The following BICD1 variants were observed in gnomAD, a reference collection of about 807,000 sequenced individuals.
BICD1 encodes BICD cargo adaptor 1, also known as protein bicaudal D homolog 1.
In BICD1, 35 loss-of-function variants were observed where a neutral mutation model predicts 92.5. The ratio of observed to expected loss-of-function variants is 0.38; its 90% CI spans 0.29 to 0.50. BICD1 has a LOEUF of 0.50. BICD1 is among the 20% of genes least tolerant of loss of function. The pLI is 0.93. For synonymous variants in BICD1, 429 were observed against 465.1 expected (o/e 0.92, Z 1.00); for missense variants, 950 against 1,189.8 (o/e 0.80, Z 2.97).
chr12:32,300,933 G>T (rs920851137), intron 3 of BICD1, among the ~76,000 whole-genome samples: 2 of 152,026 alleles, frequency 1.3e-5, no homozygotes, highest in African/African-American at 4.8e-5. Context: ...TTACAGGCGC[G>T]AGTCACTGCG....
chr12:32,170,209 C>T (rs548428125), intron 1 of BICD1, among the ~76,000 whole-genome samples: 15 of 152,280 alleles, frequency 9.9e-5, no homozygotes, highest in African/African-American at 3.6e-4. Flanking sequence ...GAAAAAATAA[C>T]TGCTAGAGTC....
intron 8 of BICD1, among the ~76,000 whole-genome samples, chr12:32,364,787 CA>C (rs978286739): frequency 8.3e-6 from 1 of 121,028 alleles, no homozygotes. Flanking sequence ...CCTGTCTCTA[CA>C]AAAATTTAAA....
At chr12:32,238,944 CAAAA>C (rs111403291) in intron 2 of BICD1, among the ~76,000 whole-genome samples, 50 of 70,570 alleles carry the variant, frequency 7.1e-4, no homozygotes, top group South Asian at 2.4e-3. Flanking sequence ...AACTCTGTCT[CAAAA>C]AAAAAAAAAA....
In BICD1 at chr12:32,295,656, C is replaced by CTTTT. The variant is rs142531197; in HGVS notation, c.579+1522_579+1525dup. 6.8e-3 allele frequency among the ~76,000 whole-genome samples: 958 copies of CTTTT among 140,662 alleles called. 8 individuals carry two copies. The highest frequency in any genetic ancestry group is 0.01 in the Non-Finnish European group (678 of 64,864). 92.3% of individuals were successfully genotyped at this position (140,662 alleles called of 152,430 possible). On this transcript the variant is annotated intron_variant, in intron 3 of 9. Transcript: ENST00000652176. Reference sequence around the variant, plus strand: ...TAGTGGCACAATTAAAATTTGATTTCTTTTTTTTTTTTTTTGCGACAGAGT... The same window carrying CTTTT: ...TAGTGGCACAATTAAAATTTGATTTCTTTTTTTTTTTTTTTTTTTGCGACAGAGT...
At chr12:32,203,893 A>T (rs990422778) in intron 1 of BICD1, among the ~76,000 whole-genome samples, 2 of 152,214 alleles carry the variant, frequency 1.3e-5, no homozygotes, top group Admixed American at 6.5e-5. Flanking sequence ...GTCTTTTAGA[A>T]TGTGGGACTT....
At chr12:32,144,705 A>G (rs1943050923) in intron 1 of BICD1, among the ~76,000 whole-genome samples, 2 of 152,212 alleles carry the variant, frequency 1.3e-5, no homozygotes, top group South Asian at 2.1e-4. Flanking sequence ...AAAATCTATT[A>G]TCTACTGAAA....
chr12:32,184,484 A>G (rs1231928149), intron 1 of BICD1, among the ~76,000 whole-genome samples: 1 of 152,050 alleles, frequency 6.6e-6, no homozygotes, highest in Non-Finnish European at 1.5e-5. Context: ...ATGGAGTTTC[A>G]CCATGTTGGC....
In BICD1 at chr12:32,237,702, A is replaced by G. The variant is rs1304283553; in HGVS notation, c.426+21243A>G. ...TCTGAATGACAGCACGTCTGTTTAT[A>G]GAGTGGTTTATCAAACGTTTAAAGC... is the stretch of plus-strand genomic sequence containing the variant. On this transcript the variant is annotated intron_variant, in intron 2 of 9. Transcript: ENST00000652176. 3.3e-5 allele frequency among the ~76,000 whole-genome samples: 5 copies of G among 152,218 alleles called. No individual in the cohort carries two copies. The East Asian group carries it at 9.6e-4, about 29-fold the overall frequency.
intron 5 of BICD1, among the ~76,000 whole-genome samples, chr12:32,330,416 G>T (rs1937797000): frequency 1.4e-5 from 2 of 138,454 alleles, no homozygotes; most frequent in East Asian, 4.8e-4. Context: ...ACACACCGGG[G>T]CCTGTTGTGG....
At chr12:32,237,860 A>G (rs534360595) in intron 2 of BICD1, among the ~76,000 whole-genome samples, 1 of 152,328 alleles carries the variant, frequency 6.6e-6, no homozygotes, top group South Asian at 2.1e-4. Flanking sequence ...TGCTAACACA[A>G]CATCCACTGG....
intron 2 of BICD1, among the ~76,000 whole-genome samples, chr12:32,286,331 G>C (rs1947565191): frequency 6.6e-6 from 1 of 151,846 alleles, no homozygotes; most frequent in Non-Finnish European, 1.5e-5. Flanking sequence ...CATCCAGTTC[G>C]TTGGGCTTCC....
intron 8 of BICD1, among the ~76,000 whole-genome samples, chr12:32,354,363 G>A (rs16919788): frequency 0.035 from 5,383 of 152,208 alleles, 294 homozygotes; most frequent in East Asian, 0.16. Context: ...ATGTGAAGGA[G>A]GAACCAGATG....
intron 1 of BICD1, among the ~76,000 whole-genome samples, chr12:32,129,245 C>T (rs948910220): frequency 1.0e-4 from 15 of 150,722 alleles, no homozygotes; most frequent in African/African-American, 1.7e-4. Flanking sequence ...TTTTTGTAGG[C>T]CGGGCATGGT....
Position 32,126,761 on chromosome 12 carries a change from A to T in BICD1, c.213+19217A>T, listed in dbSNP as rs1486005564. On this transcript the variant is annotated intron_variant, in intron 1 of 9. Coordinates refer to ENST00000652176, the MANE Select transcript of BICD1 (RefSeq NM_001714.4). Reference sequence around the variant, plus strand: ...TGGGCGACAGAGTGAGACTCTGTTTAAAAAAAAAGAAAAAGACCCTGCAGA... The same window carrying T: ...TGGGCGACAGAGTGAGACTCTGTTTTAAAAAAAAGAAAAAGACCCTGCAGA... 5.3e-5 allele frequency among the ~76,000 whole-genome samples: 8 copies of T among 151,262 alleles called. No homozygotes were observed. The East Asian group carries it at 1.4e-3, about 26-fold the overall frequency.
At position 32,380,590 on chromosome 12, in the gene BICD1, G is replaced by C. The variant is rs1392707677; in HGVS notation, c.*2963G>C. The C allele has an allele frequency of 6.6e-6, 1 of 152,064 alleles. No individual in the cohort carries two copies. Among genetic ancestry groups the C allele is most frequent in the Non-Finnish European group, 1.5e-5 (1 of 67,956 alleles). The allele number at this position is 152,064 out of a possible 1,614,324, so 9.4% of individuals were successfully genotyped here. A position where few individuals can be genotyped will look rare whatever the true frequency, so the allele number is the denominator to read the frequency against. On this transcript the variant is annotated 3_prime_UTR_variant, in exon 10 of 10. Transcript: ENST00000652176. Reference sequence around the variant, plus strand: ...AGGATTTTCCTTAATCAAAAAATAAGAAGAAGCAATAAATTGTCTTTGGCC... The same window carrying C: ...AGGATTTTCCTTAATCAAAAAATAACAAGAAGCAATAAATTGTCTTTGGCC...
At chr12:32,362,091 GGCTC>G (rs1434568273) in intron 8 of BICD1, among the ~76,000 whole-genome samples, 4 of 152,268 alleles carry the variant, frequency 2.6e-5, no homozygotes, top group Non-Finnish European at 5.9e-5. Flanking sequence ...TGGGCGCAGT[GGCTC>G]ACGCCTATAA....
chr12:32,234,596 C>CAAAAA (rs758851036), intron 2 of BICD1, among the ~76,000 whole-genome samples: 2 of 76,292 alleles, frequency 2.6e-5, no homozygotes, highest in Admixed American at 1.6e-4. Flanking sequence ...AACTCCGTCT[C>CAAAAA]AAAAAAAAAA....
chr12:32,184,412 G>A (rs183407639), intron 1 of BICD1, among the ~76,000 whole-genome samples: 1 of 152,068 alleles, frequency 6.6e-6, no homozygotes, highest in South Asian at 2.1e-4. Flanking sequence ...TCAGCCTCCC[G>A]AGTAGCTGGG....
Position 32,337,370 on chromosome 12 carries a change from C to A in BICD1, c.2253-129C>A. ...TCTGCTATTGTGGGTTATCTACATT[C>A]TATTGCTAGACCTTTAAACCAGTCT... On this transcript the variant is annotated intron_variant, in intron 6 of 9. Transcript: ENST00000652176. The surrounding 1 kb of genome is among the most constrained non-coding windows in gnomAD (Gnocchi z 4.7). The A allele has an allele frequency of 2.7e-6, 2 of 747,838 alleles. No homozygotes were observed. Among genetic ancestry groups the A allele is most frequent in the Non-Finnish European group, 4.3e-6 (2 of 461,242 alleles). 46.3% of individuals were successfully genotyped at this position (747,838 alleles called of 1,614,324 possible). A position where few individuals can be genotyped will look rare whatever the true frequency, so the allele number is the denominator to read the frequency against.
Sources: allele counts gnomAD v4.1 joint callset (sites outside exome capture counted in the v4.1 genomes callset), GRCh38; gene constraint gnomAD v4.1.1; non-coding constraint Gnocchi (gnomAD v3.1); transcripts MANE v1.5; gene names NCBI Gene and HGNC (gene_info 2026-07-23, HGNC 2026-07-21).